Variants in ATP2B4 observed in about 807,000 individuals in gnomAD.
ATP2B4 encodes the protein plasma membrane calcium-transporting ATPase 4.
ATP2B4 carries 39 observed loss-of-function variants against 110.3 expected under a neutral mutation model. The ratio of observed to expected loss-of-function variants is 0.35; its 90% CI spans 0.27 to 0.46. ATP2B4 has a LOEUF of 0.46. Among genes scored for constraint, ATP2B4 ranks in the 20% least tolerant of loss-of-function variants. ATP2B4 has a pLI of 1.00. For synonymous variants in ATP2B4, 538 were observed against 571.7 expected, an observed-to-expected ratio of 0.94 and a Z score of 0.84; for missense variants, 1,135 against 1,530.9, an observed-to-expected ratio of 0.74 and a Z score of 4.32.
chr1:203,699,447 C>G lies in ATP2B4; in HGVS notation c.392-13C>G. 1 of 1,613,644 alleles carries G rather than the reference C, an allele frequency of 6.2e-7. No individual in the cohort carries two copies. The highest frequency in any genetic ancestry group is 1.7e-4 in the Middle Eastern group (1 of 6,060). ...AGCCCTTCAGTGACTATTTCTCTCC[C>G]TTCCTGGGATAGTGTGTGGTCAAGT... On this transcript the variant is annotated splice_polypyrimidine_tract_variant and intron_variant, in intron 3 of 20. Coordinates refer to ENST00000357681, the MANE Select transcript of ATP2B4 (RefSeq NM_001684.5).
intron 1 of ATP2B4, among the ~76,000 whole-genome samples, chr1:203,660,275 TCCAGTTTCACCAC>T (rs2102330946): frequency 6.6e-6 from 1 of 152,260 alleles, no homozygotes; most frequent in Admixed American, 6.5e-5. Context: ...GGGTTTATGG[TCCAGTTTCACCAC>T]AAGTTAACTG....
chr1:203,638,455 G>A (rs1230745967), intron 1 of ATP2B4, among the ~76,000 whole-genome samples: 2 of 152,188 alleles, frequency 1.3e-5, no homozygotes, highest in Non-Finnish European at 2.9e-5. Flanking sequence ...ACAGCAAGCA[G>A]CAAGCATCCA....
intron 20 of ATP2B4, among the ~76,000 whole-genome samples, chr1:203,730,147 A>G (rs547371001): frequency 6.6e-6 from 1 of 150,550 alleles, no homozygotes; most frequent in Non-Finnish European, 1.5e-5. Context: ...TCCTTTTTTT[A>G]AAAAAAAATT....
chr1:203,665,610 G>A (rs1664479785), intron 1 of ATP2B4, among the ~76,000 whole-genome samples: 1 of 152,090 alleles, frequency 6.6e-6, no homozygotes, highest in Admixed American at 6.5e-5. Context: ...GACCAGCCTG[G>A]CCAATATGGT....
intron 2 of ATP2B4, 143 bp downstream of exon 2, chr1:203,683,541 C>A: frequency 2.7e-6 from 2 of 745,538 alleles, no homozygotes; most frequent in Non-Finnish European, 4.0e-6. Flanking sequence ...GCATCTGAAG[C>A]ACTGAAAGGA....
intron 1 of ATP2B4, among the ~76,000 whole-genome samples, chr1:203,655,441 T>C (rs1664130927): frequency 6.6e-6 from 1 of 151,772 alleles, no homozygotes; most frequent in Admixed American, 6.6e-5. Context: ...AGATCAAGAG[T>C]TGGAGACCAG....
At chr1:203,690,589 A>G (rs898041693) in intron 2 of ATP2B4, among the ~76,000 whole-genome samples, 9 of 152,040 alleles carry the variant, frequency 5.9e-5, no homozygotes, top group African/African-American at 9.7e-5. Flanking sequence ...TTTCTTCCCT[A>G]TCTTTAGAGC....
chr1:203,678,392 C>CTTTTTTT (rs35598967), intron 1 of ATP2B4, among the ~76,000 whole-genome samples: 12 of 100,202 alleles, frequency 1.2e-4, no homozygotes, highest in South Asian at 8.0e-4. Flanking sequence ...TTTCTAGAGG[C>CTTTTTTT]TTTTTTTTTT....
chr1:203,664,434 T>G (rs181971559), intron 1 of ATP2B4, among the ~76,000 whole-genome samples: 226 of 152,336 alleles, frequency 1.5e-3, no homozygotes, highest in Admixed American at 4.0e-3. Flanking sequence ...ATACTTGATC[T>G]TCATCCAAGG....
chr1:203,694,888 A>G (rs1401648860), intron 2 of ATP2B4, among the ~76,000 whole-genome samples: 1 of 152,082 alleles, frequency 6.6e-6, no homozygotes, highest in African/African-American at 2.4e-5. Flanking sequence ...AAGTGATTGG[A>G]CTTTAGATAT....
chr1:203,694,690 G>A (rs771295614), intron 2 of ATP2B4, among the ~76,000 whole-genome samples: 3 of 152,192 alleles, frequency 2.0e-5, no homozygotes, highest in Non-Finnish European at 4.4e-5. Context: ...GTAAAAGCCA[G>A]AGGGTTTTGA....
At chr1:203,645,749 C>T (rs776425269) in intron 1 of ATP2B4, among the ~76,000 whole-genome samples, 1 of 152,072 alleles carries the variant, frequency 6.6e-6, no homozygotes, top group Non-Finnish European at 1.5e-5. Flanking sequence ...TGCCACTGTG[C>T]CCGGCTAATT....
chr1:203,645,493 T>C (rs961502887), intron 1 of ATP2B4, among the ~76,000 whole-genome samples: 1 of 152,122 alleles, frequency 6.6e-6, no homozygotes, highest in Non-Finnish European at 1.5e-5. Flanking sequence ...TTGTTTTTCA[T>C]TTAAAAAGCA....
rs751150714 is a variant in ATP2B4, at chr1:203,712,043, C to T, written c.2115C>T (p.Ala705=). Residue 705 remains alanine (A), a synonymous_variant, in exon 13 of 21, where the codon GCC becomes GCT. Transcript: ENST00000357681. ...GTGACAACATCAACACAGCCCGGGCCATTGCCACCAAATGTGGCATTCTGA... is the reference window on the plus strand; with the variant it reads ...GTGACAACATCAACACAGCCCGGGCTATTGCCACCAAATGTGGCATTCTGA... The part of the protein sequence containing the change: ...VTGDNINTAR[A]IATKCGILTP... 29 of 1,614,048 alleles carry T rather than the reference C, an allele frequency of 1.8e-5. No individual in the cohort carries two copies. The highest frequency in any genetic ancestry group is 2.7e-5 in the African/African-American group (2 of 74,938).
In ATP2B4 at chr1:203,699,658, A is replaced by G. The variant is rs148661659; in HGVS notation, c.590A>G (p.Gln197Arg). ...AAGTTCTCCATCATCCGAAACGGTCAACTCATCCAGCTCCCTGTGGCTGAG... is the reference window on the plus strand; with the variant it reads ...AAGTTCTCCATCATCCGAAACGGTCGACTCATCCAGCTCCCTGTGGCTGAG... ...EQKFSIIRNG[Q>R]LIQLPVAEIV... The change falls in exon 4 of 21, where the codon CAA becomes CGA. Residue 197 changes from glutamine to arginine, a missense_variant. Gln to Arg is a conservative substitution (Grantham distance 43, BLOSUM62 1). Coordinates refer to ENST00000357681, the MANE Select transcript of ATP2B4 (RefSeq NM_001684.5). 6.2e-7 allele frequency: 1 copy of G among 1,614,078 alleles called. No homozygotes were observed. Among genetic ancestry groups the G allele is most frequent in the African/African-American group, 1.3e-5 (1 of 74,910 alleles).
chr1:203,636,078 C>T (rs547592791), intron 1 of ATP2B4, among the ~76,000 whole-genome samples: 1 of 152,352 alleles, frequency 6.6e-6, no homozygotes, highest in South Asian at 2.1e-4. Flanking sequence ...TCCAGAGTCA[C>T]CCACCTAACT....
At chr1:203,733,284 A>G (rs1286182373) in intron 20 of ATP2B4, 1 of 1,614,128 alleles carries the variant, frequency 6.2e-7, no homozygotes, top group East Asian at 2.2e-5. Context: ...AGGCGACAGA[A>G]CATGGGTCAA....
At chr1:203,700,471 G>T in intron 5 of ATP2B4, 140 bp downstream of exon 5, 1 of 1,196,986 alleles carries the variant, frequency 8.4e-7, no homozygotes, top group South Asian at 1.6e-5. Context: ...TTTGGTGGGT[G>T]GAATACAAGG....
intron 20 of ATP2B4, among the ~76,000 whole-genome samples, chr1:203,728,674 A>G (rs923831107): frequency 6.6e-6 from 1 of 152,052 alleles, no homozygotes; most frequent in Non-Finnish European, 1.5e-5. Flanking sequence ...CCTGACCAAC[A>G]TGGAGAAACC....
Sources: allele counts gnomAD v4.1 joint callset (sites outside exome capture counted in the v4.1 genomes callset), GRCh38; gene constraint gnomAD v4.1.1; transcripts MANE v1.5; gene names NCBI Gene and HGNC (gene_info 2026-07-23, HGNC 2026-07-21).